Variants in FOXN2 observed in about 807,000 individuals in gnomAD.
FOXN2 encodes forkhead box protein N2.
In FOXN2, 19 loss-of-function variants were observed where a neutral mutation model predicts 41.2. The observed-to-expected ratio is 0.46, with a 90% confidence interval of 0.32 to 0.68. The LOEUF (loss-of-function observed/expected upper bound fraction) is 0.68. FOXN2 is among the 30% of genes least tolerant of loss of function. FOXN2 has a pLI of 0.03. For missense variants in FOXN2, 587 were observed against 509.4 expected, an observed-to-expected ratio of 1.15 and a Z score of -1.47; for synonymous variants, 195 against 176.8, an observed-to-expected ratio of 1.10 and a Z score of -0.82.
intron 1 of FOXN2, among the ~76,000 whole-genome samples, chr2:48,316,873 G>C (rs893642605): frequency 3.9e-5 from 6 of 152,132 alleles, no homozygotes; most frequent in African/African-American, 1.4e-4. Flanking sequence ...CACAAGAACT[G>C]TATAGAGAAG....
chr2:48,354,892 CTTTT>C (rs2104428735), intron 3 of FOXN2, among the ~76,000 whole-genome samples: 1 of 152,152 alleles, frequency 6.6e-6, no homozygotes, highest in African/African-American at 2.4e-5. Flanking sequence ...ACAAAAAATG[CTTTT>C]TTATCTATTA....
intron 2 of FOXN2, among the ~76,000 whole-genome samples, chr2:48,337,928 C>A (rs1038231963): frequency 6.6e-6 from 1 of 151,918 alleles, no homozygotes; most frequent in Non-Finnish European, 1.5e-5. Flanking sequence ...AGAAAGCAGA[C>A]CCCAAAAAAA....
chr2:48,331,255 G>A lies in FOXN2; in HGVS notation c.-15+2553G>A, dbSNP rs185630693. Among the ~76,000 whole-genome samples the A allele has an allele frequency of 1.6e-3, 249 of 152,090 alleles. 1 individual carries two copies. Among genetic ancestry groups the A allele is most frequent in the African/African-American group, 5.8e-3 (240 of 41,464 alleles). The stretch of plus-strand genomic sequence containing the variant: ...AGTGCTATATTTTATTTCCCAGTAA[G>A]AATTCTTAGACAATATAATGGATGA... On this transcript the variant is annotated intron_variant, in intron 2 of 6. Transcript: ENST00000340553.
rs1388487084 is a variant in FOXN2 at position 48,375,959 on chromosome 2, G to A, written c.*516G>A. The A allele has an allele frequency of 2.0e-5, 3 of 152,142 alleles. No individual in the cohort carries two copies. The highest frequency in any genetic ancestry group is 4.4e-5 in the Non-Finnish European group (3 of 68,356). The allele number at this position is 152,142 out of a possible 1,614,324, so 9.4% of individuals were successfully genotyped here. A position where few individuals can be genotyped will look rare whatever the true frequency, so the allele number is the denominator to read the frequency against. On this transcript the variant is annotated 3_prime_UTR_variant, in exon 7 of 7. Coordinates refer to ENST00000340553, the MANE Select transcript of FOXN2 (RefSeq NM_002158.4). ...TTTCTAATTTTTTTTTTGTTGTCGTGTGAGCAAAGACAAACATAAATTGAA... is the reference window on the plus strand; with the variant it reads ...TTTCTAATTTTTTTTTTGTTGTCGTATGAGCAAAGACAAACATAAATTGAA...
At chr2:48,321,493 C>G (rs952389515) in intron 1 of FOXN2, among the ~76,000 whole-genome samples, 1 of 151,964 alleles carries the variant, frequency 6.6e-6, no homozygotes, top group Non-Finnish European at 1.5e-5. Flanking sequence ...CCGAGATTGC[C>G]CCACTGCACT....
chr2:48,348,400 C>G (rs1015178230), intron 3 of FOXN2, among the ~76,000 whole-genome samples: 6 of 152,044 alleles, frequency 3.9e-5, no homozygotes, highest in African/African-American at 1.2e-4. Flanking sequence ...TCTGTCTCTG[C>G]TAAAATTCCC....
At chr2:48,336,624 G>A (rs1191768405) in intron 2 of FOXN2, among the ~76,000 whole-genome samples, 1 of 151,232 alleles carries the variant, frequency 6.6e-6, no homozygotes, top group African/African-American at 2.4e-5. Flanking sequence ...TCCAAAGAAG[G>A]CAAAAAAAGA....
At chr2:48,363,457 A>G (rs1309284933) in intron 5 of FOXN2, among the ~76,000 whole-genome samples, 1 of 152,202 alleles carries the variant, frequency 6.6e-6, no homozygotes, top group African/African-American at 2.4e-5. Context: ...TAAAAAATCA[A>G]TTTAGTGCAG....
chr2:48,318,223 C>G (rs947621096), intron 1 of FOXN2, among the ~76,000 whole-genome samples: 5 of 152,186 alleles, frequency 3.3e-5, no homozygotes, highest in Non-Finnish European at 7.3e-5. Context: ...GTACTATTAA[C>G]TACATACTTT....
At chr2:48,341,092 T>C (rs1670735721) in intron 2 of FOXN2, among the ~76,000 whole-genome samples, 1 of 152,152 alleles carries the variant, frequency 6.6e-6, no homozygotes, top group Admixed American at 6.6e-5. Context: ...TTGAGTAATA[T>C]TTGTTATGTA....
intron 5 of FOXN2, among the ~76,000 whole-genome samples, chr2:48,370,544 C>CT (rs1405636254): frequency 1.3e-5 from 2 of 152,188 alleles, no homozygotes; most frequent in Non-Finnish European, 2.9e-5. Flanking sequence ...CCCCAACACT[C>CT]TATTTCCCTT....
chr2:48,376,607 T>C lies in FOXN2; in HGVS notation c.*1164T>C, dbSNP rs1484854527. ...GGCAGTGTAACAACCTATAGTGCCATTGATCCATGAGAAAAAGATTTTCTG... is the reference window on the plus strand; with the variant it reads ...GGCAGTGTAACAACCTATAGTGCCACTGATCCATGAGAAAAAGATTTTCTG... On this transcript the variant is annotated 3_prime_UTR_variant, in exon 7 of 7. Transcript: ENST00000340553. 5 of 152,516 alleles carry C rather than the reference T, an allele frequency of 3.3e-5. No homozygotes were observed. Among genetic ancestry groups the C allele is most frequent in the Admixed American group, 6.6e-5 (1 of 15,260 alleles). The allele number at this position is 152,516 out of a possible 1,614,324, so 9.4% of individuals were successfully genotyped here.
chr2:48,352,310 CTTCTT>C (rs1671499788), intron 3 of FOXN2, among the ~76,000 whole-genome samples: 2 of 152,134 alleles, frequency 1.3e-5, no homozygotes, highest in Admixed American at 1.3e-4. Flanking sequence ...AATCCACTGA[CTTCTT>C]TTCTGTCTTA....
chr2:48,361,432 T>TCGCAGC (rs1672177770), intron 4 of FOXN2, among the ~76,000 whole-genome samples: 1 of 146,654 alleles, frequency 6.8e-6, no homozygotes, highest in African/African-American at 2.5e-5. Flanking sequence ...GCGCCACTGC[T>TCGCAGC]CTCCAGCCTG....
At position 48,378,290 on chromosome 2, in the gene FOXN2, C is replaced by T. The variant is rs1253233513; in HGVS notation, c.*2847C>T. ...AATTCATGGAAAAGGTGGATCACCT[C>T]CCTTTTTCCACCTTCAAGCCTTTCC... On this transcript the variant is annotated 3_prime_UTR_variant, in exon 7 of 7. Transcript: ENST00000340553. 1.3e-5 allele frequency: 2 copies of T among 152,288 alleles called. No individual in the cohort carries two copies. 9.4% of individuals were successfully genotyped at this position (152,288 alleles called of 1,614,324 possible). A position where few individuals can be genotyped will look rare whatever the true frequency, so the allele number is the denominator to read the frequency against.
intron 1 of FOXN2, among the ~76,000 whole-genome samples, chr2:48,315,158 G>A (rs930647402): frequency 1.3e-5 from 2 of 152,194 alleles, no homozygotes; most frequent in Non-Finnish European, 2.9e-5. Flanking sequence ...TCTCCGGGAA[G>A]GCGTGGAGGG....
At chr2:48,333,880 G>T (rs1300095637) in intron 2 of FOXN2, among the ~76,000 whole-genome samples, 1 of 151,886 alleles carries the variant, frequency 6.6e-6, no homozygotes, top group Non-Finnish European at 1.5e-5. Context: ...GACTTCACTA[G>T]GATGTGAGGT....
intron 1 of FOXN2, among the ~76,000 whole-genome samples, chr2:48,322,937 AT>A (rs751995550): frequency 6.7e-6 from 1 of 149,338 alleles, no homozygotes; most frequent in Non-Finnish European, 1.5e-5. Flanking sequence ...TTTGTGTGGG[AT>A]TCAATCTCTT....
intron 3 of FOXN2, among the ~76,000 whole-genome samples, chr2:48,348,121 T>C (rs1225293215): frequency 6.6e-6 from 1 of 152,190 alleles, no homozygotes; most frequent in Non-Finnish European, 1.5e-5. Context: ...TTAGGAAATT[T>C]TTGCTCATTA....
Sources: allele counts gnomAD v4.1 joint callset (sites outside exome capture counted in the v4.1 genomes callset), GRCh38; gene constraint gnomAD v4.1.1; transcripts MANE v1.5; gene names NCBI Gene and HGNC (gene_info 2026-07-23, HGNC 2026-07-21).